RBFOX1: variants seen among roughly 807,000 people sequenced by gnomAD.
RBFOX1 encodes RNA binding fox-1 homolog 1, also known as RNA binding protein fox-1 homolog 1.
In RBFOX1, 8 loss-of-function variants were observed where a neutral mutation model predicts 57.7. That is an observed-to-expected ratio of 0.14 (90% CI 0.08 to 0.25). The LOEUF (loss-of-function observed/expected upper bound fraction) is 0.25, where lower values mean the gene tolerates loss of function less well. Ranked by LOEUF, RBFOX1 falls within the 10% of genes least tolerant of loss-of-function variation. The pLI is 1.00. For synonymous variants in RBFOX1, 326 were observed against 222.4 expected (o/e 1.47, Z -4.15); for missense variants, 611 against 548.5 (o/e 1.11, Z -1.14).
intron 4 of RBFOX1, among the ~76,000 whole-genome samples, chr16:7,263,215 G>A (rs2094990539): frequency 6.6e-6 from 1 of 152,130 alleles, no homozygotes; most frequent in Non-Finnish European, 1.5e-5. Context: ...GAGTTACTTT[G>A]CTCAGGATAT....
chr16:6,231,240 G>GTA (rs760932009), intron 1 of RBFOX1, among the ~76,000 whole-genome samples: 1,306 of 33,828 alleles, frequency 0.039, 28 homozygotes, highest in East Asian at 0.24. Flanking sequence ...GTGTGTGTAG[G>GTA]TGTGTGTGTG....
At chr16:7,261,402 A>G (rs1274392189) in intron 4 of RBFOX1, among the ~76,000 whole-genome samples, 1 of 152,158 alleles carries the variant, frequency 6.6e-6, no homozygotes, top group Non-Finnish European at 1.5e-5. Context: ...TCCATGTGTT[A>G]ACCTGGGGCC....
chr16:6,257,852 C>G lies in RBFOX1; in HGVS notation c.-126-59143C>G, dbSNP rs377252340. 2.6e-4 allele frequency among the ~76,000 whole-genome samples: 39 copies of G among 152,196 alleles called. No homozygotes were observed. The East Asian group carries it at 5.2e-3, about 20-fold the overall frequency. On this transcript the variant is annotated intron_variant, in intron 1 of 15. Transcript: ENST00000550418. ...ATGGGCATTTAGGTTGTTTCCATGTCTTTTCTACTGTGAATAGTGCTGCAG... is the reference window on the plus strand; with the variant it reads ...ATGGGCATTTAGGTTGTTTCCATGTGTTTTCTACTGTGAATAGTGCTGCAG...
intron 2 of RBFOX1, among the ~76,000 whole-genome samples, chr16:6,622,557 C>T (rs914966574): frequency 6.6e-5 from 10 of 152,016 alleles, no homozygotes; most frequent in Admixed American, 2.0e-4. Flanking sequence ...AATCACCTAA[C>T]GATGCATTTC....
chr16:7,548,177 A>AT (rs2085159644), intron 5 of RBFOX1, among the ~76,000 whole-genome samples: 1 of 152,014 alleles, frequency 6.6e-6, no homozygotes, highest in Admixed American at 6.6e-5. Flanking sequence ...TTCATATTTT[A>AT]TTTTTACTTT....
At chr16:7,220,768 A>G (rs12445037) in intron 4 of RBFOX1, among the ~76,000 whole-genome samples, 1 of 151,958 alleles carries the variant, frequency 6.6e-6, no homozygotes, top group South Asian at 2.1e-4. Flanking sequence ...CATCTGACCT[A>G]TCAGGGCTGG....
At chr16:6,627,199 T>C (rs1253690434) in intron 2 of RBFOX1, among the ~76,000 whole-genome samples, 1 of 151,810 alleles carries the variant, frequency 6.6e-6, no homozygotes, top group Non-Finnish European at 1.5e-5. Context: ...ATGGGCAGAG[T>C]AGTTTGGAGG....
intron 13 of RBFOX1, among the ~76,000 whole-genome samples, chr16:7,670,635 T>C (rs1490544015): frequency 6.6e-6 from 1 of 152,170 alleles, no homozygotes; most frequent in African/African-American, 2.4e-5. Context: ...AAGAATGTTA[T>C]CAGGCATCGC....
intron 2 of RBFOX1, among the ~76,000 whole-genome samples, chr16:5,500,269 C>T (rs559840378): frequency 3.7e-4 from 54 of 145,540 alleles, no homozygotes; most frequent in African/African-American, 1.2e-3. Flanking sequence ...TTTGCCCAGG[C>T]CGGAATGCAG....
chr16:6,387,974 AT>A (rs61603572), intron 2 of RBFOX1, among the ~76,000 whole-genome samples: 80 of 84,152 alleles, frequency 9.5e-4, no homozygotes, highest in African/African-American at 1.2e-3. Context: ...TTTGTGGAAC[AT>A]TTTTTTTTTT....
At chr16:7,140,738 G>A (rs1218307713) in intron 4 of RBFOX1, among the ~76,000 whole-genome samples, 1 of 152,156 alleles carries the variant, frequency 6.6e-6, no homozygotes, top group South Asian at 2.1e-4. Flanking sequence ...GAGAGACGGA[G>A]ACTTGAATGA....
intron 3 of RBFOX1, chr16:6,704,949 C>T (rs755134196): frequency 7.9e-5 from 12 of 152,034 alleles, no homozygotes; most frequent in Admixed American, 3.3e-4. Context: ...TTATCCAAGT[C>T]GTGCCAGATT....
intron 2 of RBFOX1, among the ~76,000 whole-genome samples, chr16:6,520,561 T>G (rs1269359357): frequency 6.6e-6 from 1 of 152,114 alleles, no homozygotes; most frequent in African/African-American, 2.4e-5. Context: ...AAAAAAACAT[T>G]GGTTCTAACT....
chr16:7,068,990 G>A (rs773441199), intron 4 of RBFOX1, among the ~76,000 whole-genome samples: 5 of 152,310 alleles, frequency 3.3e-5, no homozygotes, highest in Middle Eastern at 3.4e-3. Flanking sequence ...AAAACCAGAA[G>A]CATTTGTATG....
intron 1 of RBFOX1, among the ~76,000 whole-genome samples, chr16:5,388,304 T>C (rs1248880884): frequency 6.6e-6 from 1 of 152,118 alleles, no homozygotes; most frequent in Non-Finnish European, 1.5e-5. Flanking sequence ...GGGGCTTCTT[T>C]GTAGTGGGAG....
intron 4 of RBFOX1, among the ~76,000 whole-genome samples, chr16:7,366,801 T>A (rs1303290385): frequency 6.6e-6 from 1 of 152,086 alleles, no homozygotes; most frequent in Non-Finnish European, 1.5e-5. Flanking sequence ...AAAATGGGAT[T>A]CCAGTGAAAG....
intron 3 of RBFOX1, among the ~76,000 whole-genome samples, chr16:6,970,170 T>C (rs531536227): frequency 6.6e-6 from 1 of 150,800 alleles, no homozygotes; most frequent in East Asian, 2.0e-4. Context: ...AGAACAAGAC[T>C]CTGGGGGGAA....
At chr16:5,493,590 C>G (rs939314215) in intron 2 of RBFOX1, among the ~76,000 whole-genome samples, 5 of 152,230 alleles carry the variant, frequency 3.3e-5, no homozygotes, top group Admixed American at 3.3e-4. Context: ...ATTTTCCATA[C>G]ACACCTATCA....
chr16:6,361,985 C>G (rs1249786463), intron 2 of RBFOX1, among the ~76,000 whole-genome samples: 1 of 152,092 alleles, frequency 6.6e-6, no homozygotes, highest in East Asian at 1.9e-4. Context: ...GAAGATACAG[C>G]TGAGAAGAAA....
Sources: allele counts gnomAD v4.1 joint callset (sites outside exome capture counted in the v4.1 genomes callset), GRCh38; gene constraint gnomAD v4.1.1; transcripts MANE v1.5; gene names NCBI Gene and HGNC (gene_info 2026-07-23, HGNC 2026-07-21).